Variants in TYW1B observed in about 807,000 individuals in gnomAD.
TYW1B encodes S-adenosyl-L-methionine-dependent tRNA 4-demethylwyosine synthase TYW1B.
A neutral mutation model predicts 86.9 loss-of-function variants in TYW1B; 73 were observed. That is an observed-to-expected ratio of 0.84 (90% CI 0.70 to 1.02). The LOEUF (loss-of-function observed/expected upper bound fraction) is 1.02, where lower values mean the gene tolerates loss of function less well. TYW1B is among the 50% of genes least tolerant of loss of function. The pLI is 0.00. For missense variants in TYW1B, 637 were observed against 827.4 expected, an observed-to-expected ratio of 0.77 and a Z score of 2.82; for synonymous variants, 248 against 292.8, an observed-to-expected ratio of 0.85 and a Z score of 1.56.
At position 72,770,953 on chromosome 7, in the gene TYW1B, C is replaced by CT. The variant is rs202136569; in HGVS notation, c.964+6462dup. 4.8e-3 allele frequency among the ~76,000 whole-genome samples: 421 copies of CT among 87,480 alleles called. 12 individuals are homozygous for CT. The highest frequency in any genetic ancestry group is 0.013 in the East Asian group (50 of 3,856). The allele number at this position is 87,480 out of a possible 152,430, so 57.4% of individuals were successfully genotyped here. ...ACATGATTCCACTCATATGAATTTC[C>CT]TTTTTTTTTTTTTTTTTTTTTTTTT... On this transcript the variant is annotated intron_variant, in intron 7 of 13. Transcript: ENST00000620995.
At chr7:72,612,416 T>C (rs1811955273) in intron 13 of TYW1B, among the ~76,000 whole-genome samples, 1 of 152,222 alleles carries the variant, frequency 6.6e-6, no homozygotes, top group Admixed American at 6.5e-5. Flanking sequence ...AAAATCACTA[T>C]TTTACAATCA....
At chr7:72,660,278 G>A (rs1389320648) in intron 11 of TYW1B, among the ~76,000 whole-genome samples, 1 of 152,140 alleles carries the variant, frequency 6.6e-6, no homozygotes, top group Non-Finnish European at 1.5e-5. Flanking sequence ...GGAGGCTGAG[G>A]TGGGAGGATC....
At chr7:72,701,031 T>C (rs1469092482) in intron 10 of TYW1B, among the ~76,000 whole-genome samples, 1 of 151,546 alleles carries the variant, frequency 6.6e-6, no homozygotes, top group African/African-American at 2.4e-5. Flanking sequence ...GCCACTGCAC[T>C]CTAGCCTGGG....
intron 6 of TYW1B, among the ~76,000 whole-genome samples, chr7:72,801,902 A>C (rs1229928416): frequency 2.0e-5 from 3 of 152,104 alleles, no homozygotes; most frequent in Admixed American, 2.0e-4. Flanking sequence ...ACCATAATAA[A>C]TCCTATCATG....
At chr7:72,722,084 AT>A (rs1786914658) in intron 9 of TYW1B, among the ~76,000 whole-genome samples, 1 of 152,228 alleles carries the variant, frequency 6.6e-6, no homozygotes, top group Admixed American at 6.5e-5. Context: ...ACTAAAAGTC[AT>A]AAATAATACC....
chr7:72,594,353 A>C (rs1437158716), intron 13 of TYW1B, among the ~76,000 whole-genome samples: 2 of 152,028 alleles, frequency 1.3e-5, no homozygotes, highest in Non-Finnish European at 2.9e-5. Flanking sequence ...AAAAAAAAAA[A>C]AACTGTAAGA....
At chr7:72,743,552 T>G (rs1787341325) in intron 8 of TYW1B, among the ~76,000 whole-genome samples, 1 of 151,874 alleles carries the variant, frequency 6.6e-6, no homozygotes, top group South Asian at 2.1e-4. Flanking sequence ...AGGAAAGAAA[T>G]GGGTTAGTAG....
At chr7:72,689,486 G>GA (rs1158090907) in intron 11 of TYW1B, among the ~76,000 whole-genome samples, 2 of 152,150 alleles carry the variant, frequency 1.3e-5, no homozygotes, top group Admixed American at 1.3e-4. Flanking sequence ...GCTAAGGACA[G>GA]AAAATGTGAC....
chr7:72,782,892 T>C (rs1383532717), intron 6 of TYW1B, among the ~76,000 whole-genome samples: 3 of 151,984 alleles, frequency 2.0e-5, no homozygotes, highest in Non-Finnish European at 4.4e-5. Flanking sequence ...AAAGAAAAGA[T>C]TGGCTATAGA....
chr7:72,714,925 A>G (rs1372260812), intron 9 of TYW1B, among the ~76,000 whole-genome samples: 1 of 152,208 alleles, frequency 6.6e-6, no homozygotes, highest in African/African-American at 2.4e-5. Flanking sequence ...TCCAAAAAAA[A>G]CCAAAAATAC....
In TYW1B at chr7:72,662,111, C is replaced by G. The variant is rs189312612; in HGVS notation, c.1506+32576G>C. ...ATGGGTTATAAACAGACAAATGGAC[C>G]TACAACCTGGGAATTCTCCAGTGTT... On this transcript the variant is annotated intron_variant, in intron 11 of 13. Coordinates refer to ENST00000620995, the MANE Select transcript of TYW1B (RefSeq NM_001145440.3). Among the ~76,000 whole-genome samples the G allele has an allele frequency of 9.2e-5, 14 of 152,286 alleles. No individual in the cohort carries two copies. In the East Asian group the frequency reaches 1.9e-3, roughly 21 times the overall value.
At chr7:72,793,512 C>T (rs1260195159) in intron 6 of TYW1B, among the ~76,000 whole-genome samples, 1 of 151,808 alleles carries the variant, frequency 6.6e-6, no homozygotes, top group Non-Finnish European at 1.5e-5. Flanking sequence ...TTTGGGAGGC[C>T]GAGGTGGGCA....
chr7:72,793,151 C>T (rs1788248022), intron 6 of TYW1B, among the ~76,000 whole-genome samples: 1 of 151,584 alleles, frequency 6.6e-6, no homozygotes, highest in Admixed American at 6.6e-5. Context: ...TCAGCCCAGC[C>T]AACATGGCAA....
chr7:72,752,952 T>C lies in TYW1B; in HGVS notation c.965-8351A>G, dbSNP rs547390730. ...CTGTAATGGATGGAGTTGATGAAAA[T>C]GCATCATTACATTCAAAAACAAGGG... On this transcript the variant is annotated intron_variant, in intron 7 of 13. Transcript: ENST00000620995. 1.3e-3 allele frequency among the ~76,000 whole-genome samples: 195 copies of C among 152,108 alleles called. 1 individual carries two copies. The highest frequency in any genetic ancestry group is 2.2e-3 in the Non-Finnish European group (147 of 67,958).
At chr7:72,681,997 C>G (rs550343910) in intron 11 of TYW1B, among the ~76,000 whole-genome samples, 1 of 152,086 alleles carries the variant, frequency 6.6e-6, no homozygotes, top group Non-Finnish European at 1.5e-5. Context: ...CCTGCCTCAG[C>G]CTCCCGAGTA....
chr7:72,632,388 G>GTATATATATATAATATATATATACATA (rs71069095), intron 11 of TYW1B, among the ~76,000 whole-genome samples: 3 of 70,324 alleles, frequency 4.3e-5, no homozygotes, highest in Admixed American at 4.1e-4. Flanking sequence ...ATATATATAC[G>GTATATATATATAATATATATATACATA]TATATATATA....
chr7:72,693,694 C>T (rs541371526), intron 11 of TYW1B, among the ~76,000 whole-genome samples: 2 of 152,202 alleles, frequency 1.3e-5, no homozygotes, highest in South Asian at 4.2e-4. Flanking sequence ...CACACCTGGC[C>T]TGCAGACGCC....
chr7:72,585,935 G>A lies in TYW1B; in HGVS notation c.1786-10216C>T, dbSNP rs546859065. ...GCCATCACAATCACCCCAGAAAACA[G>A]AGCTACTCCCATATTGCAGTTAAGA... On this transcript the variant is annotated intron_variant, in intron 13 of 13. Transcript: ENST00000620995. Among the ~76,000 whole-genome samples the A allele has an allele frequency of 6.6e-5, 10 of 152,212 alleles. No homozygotes were observed. The South Asian group carries it at 2.1e-3, about 32-fold the overall frequency.
At chr7:72,766,597 G>C (rs1208498631) in intron 7 of TYW1B, among the ~76,000 whole-genome samples, 4 of 121,348 alleles carry the variant, frequency 3.3e-5, no homozygotes, top group Non-Finnish European at 6.6e-5. Flanking sequence ...CTGGGCAACA[G>C]AGTGAGATTC....
Sources: gnomAD v4.1 joint callset for allele counts (sites outside exome capture counted in the v4.1 genomes callset) on GRCh38, gnomAD v4.1.1 for gene constraint, MANE v1.5 for transcripts, NCBI Gene and HGNC (gene_info 2026-07-23, HGNC 2026-07-21) for gene names.